Variants in COL28A1 observed in about 807,000 individuals in gnomAD.
COL28A1 encodes collagen alpha-1(XXVIII) chain.
In COL28A1, 161 loss-of-function variants were observed where a neutral mutation model predicts 150.2. The ratio of observed to expected loss-of-function variants is 1.07; its 90% confidence interval spans 0.94 to 1.22. COL28A1 has a LOEUF of 1.22. COL28A1 is among the 50% of genes most tolerant of loss of function. COL28A1 has a pLI of 0.00. For missense variants in COL28A1, 1,617 were observed against 1,388.3 expected (o/e 1.16, Z -2.62); for synonymous variants, 552 against 469.7 (o/e 1.18, Z -2.26).
At chr7:7,352,563 A>C (rs965046033), downstream of COL28A1, among the ~76,000 whole-genome samples, 10 of 152,178 alleles carry the variant, frequency 6.6e-5, no homozygotes, top group Admixed American at 3.3e-4. Flanking sequence ...GAAGGACCCA[A>C]CATGCTGTTG....
At chr7:7,384,319 G>A (rs1782060211) in intron 27 of COL28A1, among the ~76,000 whole-genome samples, 1 of 152,194 alleles carries the variant, frequency 6.6e-6, no homozygotes, top group African/African-American at 2.4e-5. Flanking sequence ...TCCTCTGTTA[G>A]TTGCTTAGAG....
chr7:7,467,861 G>C (rs2128343633), intron 15 of COL28A1, among the ~76,000 whole-genome samples: 1 of 144,210 alleles, frequency 6.9e-6, no homozygotes, highest in East Asian at 2.1e-4. Context: ...ATGACTACTG[G>C]GTACATAACG....
At chr7:7,460,678 G>A (rs570629520) in intron 15 of COL28A1, among the ~76,000 whole-genome samples, 127 of 152,314 alleles carry the variant, frequency 8.3e-4, no homozygotes, top group African/African-American at 2.8e-3. Context: ...CACTGCGCCC[G>A]GCCAAGTCAA....
At chr7:7,474,451 T>G (rs1319600232) in intron 15 of COL28A1, 150 bp downstream of exon 15, 12 of 420,758 alleles carry the variant, frequency 2.9e-5, no homozygotes, top group Admixed American at 4.2e-5. Context: ...AATAAAATAA[T>G]TATTTTAAAA....
At chr7:7,443,994 T>G (rs1454340675) in intron 19 of COL28A1, among the ~76,000 whole-genome samples, 1 of 151,064 alleles carries the variant, frequency 6.6e-6, no homozygotes, top group Non-Finnish European at 1.5e-5. Flanking sequence ...CTGTTTTTTT[T>G]TTTTTTTTTT....
At chr7:7,532,650 C>T (rs1782434207) in intron 2 of COL28A1, 102 bp downstream of exon 2, 1 of 1,413,776 alleles carries the variant, frequency 7.1e-7, no homozygotes, top group Admixed American at 2.3e-5. Flanking sequence ...CACATGTATA[C>T]ATGTATATGG....
chr7:7,421,248 G>T (rs1784378027), intron 25 of COL28A1, among the ~76,000 whole-genome samples: 1 of 152,082 alleles, frequency 6.6e-6, no homozygotes, highest in Non-Finnish European at 1.5e-5. Context: ...ACCCAGAAAA[G>T]GTAACTCTAT....
At chr7:7,400,772 A>G (rs979368159) in intron 27 of COL28A1, among the ~76,000 whole-genome samples, 1 of 151,138 alleles carries the variant, frequency 6.6e-6, no homozygotes, top group African/African-American at 2.4e-5. Flanking sequence ...TGTTGCCTGT[A>G]TACTTTGTCT....
At position 7,507,177 on chromosome 7, in the gene COL28A1, G is replaced by A. The variant is rs762396494; in HGVS notation, c.928-16C>T. The A allele has an allele frequency of 9.2e-7, 1 of 1,085,478 alleles. No individual in the cohort carries two copies. The highest frequency in any genetic ancestry group is 1.5e-5 in the African/African-American group (1 of 64,736). 67.2% of individuals were successfully genotyped at this position (1,085,478 alleles called of 1,614,324 possible). A position where few individuals can be genotyped will look rare whatever the true frequency, so the allele number is the denominator to read the frequency against. On this transcript the variant is annotated splice_polypyrimidine_tract_variant and intron_variant, in intron 9 of 34. Coordinates refer to ENST00000399429, the MANE Select transcript of COL28A1 (RefSeq NM_001037763.3). The stretch of plus-strand genomic sequence containing the variant: ...CTGGGGATCCCTGTGGAATAAAATT[G>A]AAAATAAGTCTCTCTAAATATACAT...
intron 33 of COL28A1, among the ~76,000 whole-genome samples, chr7:7,362,276 T>G (rs1305106799): frequency 6.7e-6 from 1 of 149,744 alleles, no homozygotes; most frequent in Non-Finnish European, 1.5e-5. Flanking sequence ...TTCCTTGGAT[T>G]CCAGCTGTAT....
intron 15 of COL28A1, among the ~76,000 whole-genome samples, chr7:7,464,886 C>A (rs1206368113): frequency 1.3e-5 from 2 of 151,990 alleles, no homozygotes; most frequent in East Asian, 3.9e-4. Flanking sequence ...AATTGATAGA[C>A]CATCAGCAAG....
At chr7:7,452,509 T>C in intron 17 of COL28A1, 122 bp from the exon 18 acceptor site, 1 of 1,358,660 alleles carries the variant, frequency 7.4e-7, no homozygotes. Flanking sequence ...TTCATATATA[T>C]TGCCTGAAAT....
intron 3 of COL28A1, among the ~76,000 whole-genome samples, chr7:7,525,772 T>C (rs1781991497): frequency 6.6e-6 from 1 of 152,246 alleles, no homozygotes; most frequent in Non-Finnish European, 1.5e-5. Context: ...AGTGTCATTC[T>C]GGGTTTCCAT....
chr7:7,484,625 G>T (rs983840065), intron 13 of COL28A1, among the ~76,000 whole-genome samples: 5 of 151,574 alleles, frequency 3.3e-5, no homozygotes, highest in African/African-American at 1.2e-4. Context: ...TGGAAGAAAT[G>T]ATTGAAGTAA....
At chr7:7,479,812 A>G (rs978111767) in intron 13 of COL28A1, among the ~76,000 whole-genome samples, 5 of 152,230 alleles carry the variant, frequency 3.3e-5, no homozygotes, top group African/African-American at 1.2e-4. Flanking sequence ...TGGAAAAATA[A>G]AAGAGTAATA....
chr7:7,429,228 AGTT>A (rs200100039), intron 25 of COL28A1, among the ~76,000 whole-genome samples: 1,872 of 152,278 alleles, frequency 0.012, 22 homozygotes, highest in Middle Eastern at 0.037. Flanking sequence ...ACATATATAC[AGTT>A]TCACTGTCAT....
the COL28A1 span, among the ~76,000 whole-genome samples, chr7:7,340,142 C>A: frequency 6.6e-6 from 1 of 151,986 alleles, no homozygotes. Context: ...AGGTGCACAC[C>A]ACCACGCCCA....
Position 7,436,680 on chromosome 7 carries a change from T to C in COL28A1, c.1792-217A>G, listed in dbSNP as rs145214349. On this transcript the variant is annotated intron_variant, in intron 22 of 34. Coordinates refer to ENST00000399429, the MANE Select transcript of COL28A1 (RefSeq NM_001037763.3). Reference sequence around the variant, plus strand: ...ATTACTGCTGTTGGGAGAAAGTCCATTGAAATAATATGTGGCAATTCAGAC... The same window carrying C: ...ATTACTGCTGTTGGGAGAAAGTCCACTGAAATAATATGTGGCAATTCAGAC... 2.0e-3 allele frequency among the ~76,000 whole-genome samples: 306 copies of C among 152,364 alleles called. 6 individuals are homozygous for C. In the East Asian group the frequency reaches 0.052, roughly 26 times the overall value.
At position 7,366,972 on chromosome 7, in the gene COL28A1, G is replaced by A. The variant is rs184742797; in HGVS notation, c.3066+3753C>T. Among the ~76,000 whole-genome samples the A allele has an allele frequency of 2.8e-4, 42 of 152,350 alleles. No homozygotes were observed. The East Asian group carries it at 7.3e-3, about 27-fold the overall frequency. ...GTGTATGTATATACTATGTGTGTGT[G>A]TGTGCGCGCGTGCATGTCTGTGCAG... is the stretch of plus-strand genomic sequence containing the variant. On this transcript the variant is annotated intron_variant, in intron 33 of 34. Coordinates refer to ENST00000399429, the MANE Select transcript of COL28A1 (RefSeq NM_001037763.3).
Sources: allele counts gnomAD v4.1 joint callset (sites outside exome capture counted in the v4.1 genomes callset), GRCh38; gene constraint gnomAD v4.1.1; transcripts MANE v1.5; gene names NCBI Gene and HGNC (gene_info 2026-07-23, HGNC 2026-07-21).